Variants in RAPGEF5 observed in about 807,000 individuals in gnomAD.
RAPGEF5 encodes M-Ras-regulated GEF.
Under a neutral mutation model 125.2 loss-of-function variants are expected in RAPGEF5, and 65 were observed. The ratio of observed to expected loss-of-function variants is 0.52; its 90% CI spans 0.43 to 0.64. RAPGEF5 has a LOEUF of 0.64. Ranked by LOEUF, RAPGEF5 falls within the 30% of genes least tolerant of loss-of-function variation. The probability of loss-of-function intolerance (pLI) is 0.00; values close to 1 mark genes in which losing one functional copy is unlikely to be tolerated. For synonymous variants in RAPGEF5, 391 were observed against 385.9 expected, an observed-to-expected ratio of 1.01 and a Z score of -0.16; for missense variants, 958 against 1,048.1, an observed-to-expected ratio of 0.91 and a Z score of 1.19.
intron 9 of RAPGEF5, among the ~76,000 whole-genome samples, chr7:22,197,407 G>A (rs938845675): frequency 2.6e-5 from 4 of 152,202 alleles, no homozygotes; most frequent in African/African-American, 9.6e-5. Flanking sequence ...AGTAACACGA[G>A]TTCCAATGCT....
intron 6 of RAPGEF5, among the ~76,000 whole-genome samples, chr7:22,273,066 C>G (rs1782472171): frequency 6.6e-6 from 1 of 151,518 alleles, no homozygotes; most frequent in African/African-American, 2.4e-5. Context: ...AGCCAAGAAA[C>G]TACTGTTCTC....
intron 5 of RAPGEF5, among the ~76,000 whole-genome samples, chr7:22,293,381 A>G (rs1011088097): frequency 1.3e-5 from 2 of 152,070 alleles, no homozygotes; most frequent in African/African-American, 4.8e-5. Flanking sequence ...CCCTAGAGCC[A>G]TCCCTTCCCT....
At chr7:22,355,499 A>C (rs1301435061) in intron 1 of RAPGEF5, among the ~76,000 whole-genome samples, 1 of 152,138 alleles carries the variant, frequency 6.6e-6, no homozygotes, top group Non-Finnish European at 1.5e-5. Context: ...TTCCGACACC[A>C]CATCTTGGGG....
At chr7:22,233,777 C>T (rs1253590945) in intron 7 of RAPGEF5, among the ~76,000 whole-genome samples, 1 of 152,156 alleles carries the variant, frequency 6.6e-6, no homozygotes, top group Non-Finnish European at 1.5e-5. Flanking sequence ...AACATAAAAG[C>T]AAACCTAGGA....
At chr7:22,200,737 A>G (rs1227981764) in intron 9 of RAPGEF5, among the ~76,000 whole-genome samples, 2 of 152,208 alleles carry the variant, frequency 1.3e-5, no homozygotes. Flanking sequence ...ATTCAATCTC[A>G]TTGCCTCTAA....
rs748801813 is a variant in RAPGEF5 at position 22,145,050 on chromosome 7, G to T, written c.2180C>A (p.Ala727Glu). 1 of 1,612,434 alleles carries T rather than the reference G, an allele frequency of 6.2e-7. No individual in the cohort carries two copies. The highest frequency in any genetic ancestry group is 1.7e-5 in the Admixed American group (1 of 59,932). ...TCTCACACTAGAAACTTACTGAGCC[G>T]CAATTTTGATGAATTTTTTCACCAG... ...VQLVKKFIKI[A>E]AHCKAQRNLN... The change falls in exon 20 of 26, where the codon GCG becomes GAG. Residue 727 changes from alanine (A) to glutamate (E), a missense_variant. Ala to Glu is a moderately radical substitution (Grantham distance 107, BLOSUM62 -1). Transcript: ENST00000665637.
At position 22,118,907 on chromosome 7, in the gene RAPGEF5, C is replaced by CCCCCCCA. The variant is rs1782487987; in HGVS notation, c.*3498_*3499insTGGGGGG. On this transcript the variant is annotated 3_prime_UTR_variant, in exon 26 of 26. Transcript: ENST00000665637. ...TTTAAAAACTTCCCCCCCGCCCCCCCACCAGTTTTAAGCAAAACTGGCCCA... is the reference window on the plus strand; with the variant it reads ...TTTAAAAACTTCCCCCCCGCCCCCCCCCCCCCAACCAGTTTTAAGCAAAACTGGCCCA... The CCCCCCCA allele has an allele frequency of 6.7e-6, 1 of 150,316 alleles. No homozygotes were observed. The highest frequency in any genetic ancestry group is 2.5e-5 in the African/African-American group (1 of 40,512). The allele number at this position is 150,316 out of a possible 1,614,324, so 9.3% of individuals were successfully genotyped here.
chr7:22,274,060 T>G (rs1782502364), intron 6 of RAPGEF5, among the ~76,000 whole-genome samples: 1 of 152,176 alleles, frequency 6.6e-6, no homozygotes, highest in Admixed American at 6.5e-5. Context: ...TTCCATGGCA[T>G]CCCATGCTCC....
chr7:22,119,555 G>T lies in RAPGEF5; in HGVS notation c.*2851C>A, dbSNP rs1480349076. The stretch of plus-strand genomic sequence containing the variant: ...GTTGTGATTTTGCCTACGGGGTCCT[G>T]CATTCTGCTGTCTTGTGCTAACTTC... On this transcript the variant is annotated 3_prime_UTR_variant, in exon 26 of 26. Coordinates refer to ENST00000665637, the MANE Select transcript of RAPGEF5 (RefSeq NM_012294.5). The surrounding 1 kb of genome is among the most constrained non-coding windows in gnomAD (Gnocchi z 4.1). 1 of 152,118 alleles carries T rather than the reference G, an allele frequency of 6.6e-6. No homozygotes were observed. The highest frequency in any genetic ancestry group is 1.5e-5 in the Non-Finnish European group (1 of 68,030). The allele number at this position is 152,118 out of a possible 1,614,324, so 9.4% of individuals were successfully genotyped here. A position where few individuals can be genotyped will look rare whatever the true frequency, so the allele number is the denominator to read the frequency against.
intron 1 of RAPGEF5, among the ~76,000 whole-genome samples, chr7:22,325,447 C>T (rs975421185): frequency 2.6e-5 from 4 of 152,232 alleles, no homozygotes; most frequent in African/African-American, 9.6e-5. Context: ...CAATCACCAC[C>T]TATCCTTTCC....
intron 5 of RAPGEF5, among the ~76,000 whole-genome samples, chr7:22,294,754 C>T (rs1408354815): frequency 6.6e-6 from 1 of 152,184 alleles, no homozygotes; most frequent in East Asian, 1.9e-4. Flanking sequence ...TCCATCACTG[C>T]CACTGTGGTC....
chr7:22,356,852 T>G lies in RAPGEF5; in HGVS notation c.209A>C (p.Lys70Thr). 1 of 1,160,070 alleles carries G rather than the reference T, an allele frequency of 8.6e-7. No homozygotes were observed. The highest frequency in any genetic ancestry group is 4.7e-5 in the Admixed American group (1 of 21,254). The allele number at this position is 1,160,070 out of a possible 1,614,324, so 71.9% of individuals were successfully genotyped here. Residue 70 changes from lysine to threonine, a missense_variant, in exon 1 of 26, where the codon AAG becomes ACG. Coordinates refer to ENST00000665637, the MANE Select transcript of RAPGEF5 (RefSeq NM_012294.5). ...LLRSGLTLRR[K>T]RSAAGGRTLS... is the part of the protein sequence containing the mutation. ...CACCCGGCCCCCAGCGGCGCTCCGC[T>G]TCCTCCGCAGCGTGAGCCCGCTCCG...
chr7:22,149,108 AT>A (rs1449211479), intron 18 of RAPGEF5, among the ~76,000 whole-genome samples: 1 of 152,222 alleles, frequency 6.6e-6, no homozygotes, highest in Non-Finnish European at 1.5e-5. Flanking sequence ...ACTTGGCTGT[AT>A]GAAGCTACAG....
chr7:22,149,310 T>A (rs1783543644), intron 18 of RAPGEF5, among the ~76,000 whole-genome samples: 1 of 152,236 alleles, frequency 6.6e-6, no homozygotes, highest in Non-Finnish European at 1.5e-5. Context: ...TATCAGTAGT[T>A]TGGGTTAACC....
In RAPGEF5 at chr7:22,210,585, T is replaced by A. The variant is rs562377219; in HGVS notation, c.996+9281A>T. 2.0e-5 allele frequency among the ~76,000 whole-genome samples: 3 copies of A among 152,328 alleles called. No homozygotes were observed. The South Asian group carries it at 6.2e-4, about 32-fold the overall frequency. On this transcript the variant is annotated intron_variant, in intron 9 of 25. Coordinates refer to ENST00000665637, the MANE Select transcript of RAPGEF5 (RefSeq NM_012294.5). ...TTCTGACATCTTAATTGTCTCATTA[T>A]CACCATTATTCTCTACTATTATGTG...
chr7:22,201,416 A>C, intron 9 of RAPGEF5, among the ~76,000 whole-genome samples: 1 of 152,236 alleles, frequency 6.6e-6, no homozygotes. Flanking sequence ...AGGGATGCAA[A>C]TAGAGACAGC....
intron 5 of RAPGEF5, among the ~76,000 whole-genome samples, chr7:22,296,992 T>G (rs1430749203): frequency 1.3e-5 from 2 of 152,190 alleles, no homozygotes; most frequent in Non-Finnish European, 2.9e-5. Flanking sequence ...CAAGGTTGCC[T>G]TCAGTGGAGT....
At chr7:22,160,666 G>T in intron 13 of RAPGEF5, 51 bp from the exon 14 acceptor site, 1 of 1,497,576 alleles carries the variant, frequency 6.7e-7, no homozygotes, top group South Asian at 1.3e-5. Flanking sequence ...CCATTTTGTA[G>T]GGATTAAGAC....
chr7:22,149,061 CAT>C (rs1385463284), intron 18 of RAPGEF5, among the ~76,000 whole-genome samples: 1 of 152,152 alleles, frequency 6.6e-6, no homozygotes, highest in Non-Finnish European at 1.5e-5. Flanking sequence ...CAGAGTCAAA[CAT>C]ATAATTGCAT....
Sources: gnomAD v4.1 joint callset for allele counts (sites outside exome capture counted in the v4.1 genomes callset) on GRCh38, gnomAD v4.1.1 for gene constraint, Gnocchi (gnomAD v3.1) non-coding constraint, MANE v1.5 for transcripts, NCBI Gene and HGNC (gene_info 2026-07-23, HGNC 2026-07-21) for gene names.